Variants in CNTN4 observed in about 807,000 individuals in gnomAD.
The protein encoded by CNTN4 is contactin-4.
In CNTN4, 77 loss-of-function variants were observed where a neutral mutation model predicts 122.5. The observed-to-expected ratio is 0.63, with a 90% CI of 0.52 to 0.76. CNTN4 has a LOEUF of 0.76. Ranked by LOEUF, CNTN4 falls within the 30% of genes least tolerant of loss-of-function variation. The probability of loss-of-function intolerance (pLI) is 0.00; values close to 1 mark genes in which losing one functional copy is unlikely to be tolerated. For missense variants in CNTN4, 1,256 were observed against 1,259.1 expected (o/e 1.00, Z 0.04); for synonymous variants, 512 against 447.0 (o/e 1.15, Z -1.83).
chr3:2,495,681 G>A (rs2076434481), intron 3 of CNTN4, among the ~76,000 whole-genome samples: 1 of 152,188 alleles, frequency 6.6e-6, no homozygotes, highest in South Asian at 2.1e-4. Context: ...GAGGGATCTA[G>A]GTTGCACCCT....
intron 13 of CNTN4, among the ~76,000 whole-genome samples, chr3:2,986,647 G>C (rs1694605486): frequency 6.6e-6 from 1 of 152,184 alleles, no homozygotes; most frequent in South Asian, 2.1e-4. Context: ...TATGAAGTGA[G>C]GCTCTGCCCA....
chr3:2,996,831 A>C (rs1227884293), intron 14 of CNTN4, among the ~76,000 whole-genome samples: 2 of 152,176 alleles, frequency 1.3e-5, no homozygotes, highest in Non-Finnish European at 2.9e-5. Context: ...GAATGCGATA[A>C]AATTCTTACT....
chr3:2,118,542 T>C (rs566203981), intron 2 of CNTN4, among the ~76,000 whole-genome samples: 3 of 152,376 alleles, frequency 2.0e-5, no homozygotes, highest in African/African-American at 4.8e-5. Context: ...TTTGTAGTTA[T>C]AGTAGATTGG....
intron 5 of CNTN4, among the ~76,000 whole-genome samples, chr3:2,745,240 A>G (rs2089689357): frequency 2.0e-5 from 3 of 152,216 alleles, no homozygotes; most frequent in Admixed American, 2.0e-4. Context: ...GCCCGCCTTC[A>G]AAACAGTGAA....
intron 3 of CNTN4, among the ~76,000 whole-genome samples, chr3:2,419,437 T>C (rs13082285): frequency 0.12 from 18,067 of 152,150 alleles, 1,364 homozygotes; most frequent in Middle Eastern, 0.21. Context: ...ATTCAACGTT[T>C]ATTTGTTCCT....
chr3:2,510,396 G>A (rs1249222159), intron 3 of CNTN4, among the ~76,000 whole-genome samples: 1 of 146,220 alleles, frequency 6.8e-6, no homozygotes, highest in African/African-American at 2.5e-5. Context: ...TTGTTTATTT[G>A]TTTGTTTTTG....
At chr3:2,789,034 A>G (rs1037700734) in intron 6 of CNTN4, among the ~76,000 whole-genome samples, 1 of 151,938 alleles carries the variant, frequency 6.6e-6, no homozygotes, top group Non-Finnish European at 1.5e-5. Context: ...TATGCCTTTG[A>G]GGATTTCCTC....
In CNTN4 at chr3:2,286,578, C is replaced by T. The variant is rs148896532; in HGVS notation, c.-144-52600C>T. On this transcript the variant is annotated intron_variant, in intron 2 of 24. Transcript: ENST00000418658. ...TGGTGTTTAAGTCAGTTAAATCTTACAGCCAAAATGTTGTATTAATGCATG... is the reference window on the plus strand; with the variant it reads ...TGGTGTTTAAGTCAGTTAAATCTTATAGCCAAAATGTTGTATTAATGCATG... 1.8e-3 allele frequency among the ~76,000 whole-genome samples: 276 copies of T among 152,172 alleles called. 3 individuals are homozygous for T. The highest frequency in any genetic ancestry group is 6.3e-3 in the African/African-American group (261 of 41,514).
At chr3:2,542,767 A>G (rs1431302992) in intron 3 of CNTN4, among the ~76,000 whole-genome samples, 2 of 152,080 alleles carry the variant, frequency 1.3e-5, no homozygotes, top group African/African-American at 4.8e-5. Context: ...GAAGAAGGCA[A>G]AATGTTGTGT....
chr3:2,743,570 C>A (rs1484041633), intron 5 of CNTN4, among the ~76,000 whole-genome samples: 2 of 152,148 alleles, frequency 1.3e-5, no homozygotes, highest in African/African-American at 4.8e-5. Flanking sequence ...TGGTAGTGTG[C>A]TGGAATGCTT....
At chr3:2,529,267 C>T (rs1231469674) in intron 3 of CNTN4, among the ~76,000 whole-genome samples, 1 of 152,038 alleles carries the variant, frequency 6.6e-6, no homozygotes, top group Non-Finnish European at 1.5e-5. Flanking sequence ...ATCCATGTTG[C>T]CCCACGTGAG....
Position 2,571,405 on chromosome 3 carries a change from C to A in CNTN4, c.-88-11C>A, listed in dbSNP as rs1242745854. ...CCCAAATCTCATTGTAATGTCTCTT[C>A]TTTCCCACAGATTAAAGGTTATACA... On this transcript the variant is annotated splice_polypyrimidine_tract_variant and intron_variant, in intron 3 of 24. Transcript: ENST00000418658. 7 of 852,566 alleles carry A rather than the reference C, an allele frequency of 8.2e-6. No individual in the cohort carries two copies. Among genetic ancestry groups the A allele is most frequent in the Admixed American group, 5.4e-5 (3 of 55,310 alleles). 52.8% of individuals were successfully genotyped at this position (852,566 alleles called of 1,614,324 possible).
At chr3:2,864,872 A>T (rs1385622262) in intron 7 of CNTN4, among the ~76,000 whole-genome samples, 1 of 78,822 alleles carries the variant, frequency 1.3e-5, no homozygotes, top group African/African-American at 5.2e-5. Context: ...TTATACTTAA[A>T]ACTCTCTTAT....
At chr3:2,303,855 G>A (rs935250455) in intron 2 of CNTN4, among the ~76,000 whole-genome samples, 3 of 152,082 alleles carry the variant, frequency 2.0e-5, no homozygotes, top group African/African-American at 4.8e-5. Context: ...CTGGGTAGGA[G>A]CACAGCGACT....
chr3:2,155,220 T>G (rs1427012964), intron 2 of CNTN4, among the ~76,000 whole-genome samples: 1 of 152,236 alleles, frequency 6.6e-6, no homozygotes, highest in Non-Finnish European at 1.5e-5. Flanking sequence ...TCTATTCCAG[T>G]GCTTACCTGC....
rs145167250 is a variant in CNTN4 at position 2,318,969 on chromosome 3, G to C, written c.-144-20209G>C. Among the ~76,000 whole-genome samples, 1,092 of 152,288 alleles carry C rather than the reference G, an allele frequency of 7.2e-3. 8 individuals carry two copies. Among genetic ancestry groups the C allele is most frequent in the African/African-American group, 0.025 (1,044 of 41,560 alleles). The stretch of plus-strand genomic sequence containing the variant: ...CAAGGTTTTGGGATTATAGATGTGA[G>C]TCACTGCACCTAGCTGTTTATTTTA... On this transcript the variant is annotated intron_variant, in intron 2 of 24. Coordinates refer to ENST00000418658, the MANE Select transcript of CNTN4 (RefSeq NM_175607.3).
intron 10 of CNTN4, 96 bp downstream of exon 10, chr3:2,887,320 T>C (rs555912041): frequency 1.2e-4 from 135 of 1,143,220 alleles, no homozygotes; most frequent in Admixed American, 5.0e-4. Flanking sequence ...TTGGGAGAGA[T>C]GGTGCAGAAT....
intron 3 of CNTN4, among the ~76,000 whole-genome samples, chr3:2,506,090 G>T (rs968876451): frequency 6.6e-6 from 1 of 151,754 alleles, no homozygotes; most frequent in African/African-American, 2.4e-5. Flanking sequence ...TGTTTCTGCC[G>T]GTTTTCCTCA....
chr3:2,623,279 C>G (rs1400388152), intron 4 of CNTN4, among the ~76,000 whole-genome samples: 1 of 134,180 alleles, frequency 7.5e-6, no homozygotes, highest in Non-Finnish European at 1.6e-5. Context: ...CCCTGATTTT[C>G]TACCCTCTTG....
Sources: allele counts gnomAD v4.1 joint callset (sites outside exome capture counted in the v4.1 genomes callset), GRCh38; gene constraint gnomAD v4.1.1; transcripts MANE v1.5; gene names NCBI Gene and HGNC (gene_info 2026-07-23, HGNC 2026-07-21).